PRDM11: variants seen among roughly 807,000 people sequenced by gnomAD.
The protein encoded by PRDM11 is PR domain-containing protein 11.
In PRDM11, 20 loss-of-function variants were observed where a neutral mutation model predicts 97.8. The observed-to-expected ratio is 0.20, with a 90% CI of 0.14 to 0.30. The LOEUF is 0.30. Ranked by LOEUF, PRDM11 falls within the 10% of genes least tolerant of loss-of-function variation. The pLI, the probability that PRDM11 is intolerant of heterozygous loss-of-function variation, is 1.00. For synonymous variants in PRDM11, 599 were observed against 637.7 expected (o/e 0.94, Z 0.91); for missense variants, 1,139 against 1,555.2 (o/e 0.73, Z 4.50).
chr11:45,160,078 T>C (rs971163485), intron 1 of PRDM11, among the ~76,000 whole-genome samples: 4 of 152,244 alleles, frequency 2.6e-5, no homozygotes, highest in Non-Finnish European at 4.4e-5. Flanking sequence ...ATAGCAACTC[T>C]TGATGCGAGT....
At position 45,181,723 on chromosome 11, in the gene PRDM11, A is replaced by G. The variant is rs758589124; in HGVS notation, c.-6-38A>G. 1.9e-6 allele frequency: 3 copies of G among 1,567,538 alleles called. No homozygotes were observed. The South Asian group carries it at 3.4e-5, about 18-fold the overall frequency. On this transcript the variant is annotated intron_variant, in intron 1 of 7. Coordinates refer to ENST00000683152, the MANE Select transcript of PRDM11 (RefSeq NM_001384648.1). Reference sequence around the variant, plus strand: ...TCACTCCTCTTCCCCTGTTTCTTTGATCCTCTTCCTGTGCTGGTCCCACCT... The same window carrying G: ...TCACTCCTCTTCCCCTGTTTCTTTGGTCCTCTTCCTGTGCTGGTCCCACCT...
At chr11:45,113,496 T>C (rs1300813845) in intron 1 of PRDM11, among the ~76,000 whole-genome samples, 1 of 152,158 alleles carries the variant, frequency 6.6e-6, no homozygotes, top group African/African-American at 2.4e-5. Context: ...ATGATTATGG[T>C]ATTTTGATGG....
intron 1 of PRDM11, among the ~76,000 whole-genome samples, chr11:45,126,437 G>T (rs1430500366): frequency 1.3e-5 from 2 of 151,982 alleles, no homozygotes; most frequent in East Asian, 3.9e-4. Context: ...AGCCTTGATG[G>T]TCTTTACAAT....
intron 4 of PRDM11, among the ~76,000 whole-genome samples, chr11:45,190,373 C>T (rs896223979): frequency 3.9e-5 from 6 of 152,014 alleles, no homozygotes; most frequent in African/African-American, 1.4e-4. Flanking sequence ...GTCGCAAACT[C>T]CTGAGCTCAG....
chr11:45,107,844 T>TG (rs1483174415), intron 1 of PRDM11, among the ~76,000 whole-genome samples: 1 of 151,676 alleles, frequency 6.6e-6, no homozygotes, highest in Non-Finnish European at 1.5e-5. Flanking sequence ...TTTTTTTTTT[T>TG]TGTGAGACAG....
Position 45,182,249 on chromosome 11 carries a change from T to C in PRDM11, c.123T>C (p.Ser41=). The C allele has an allele frequency of 6.2e-7, 1 of 1,613,742 alleles. No individual in the cohort carries two copies. The highest frequency in any genetic ancestry group is 2.2e-5 in the East Asian group (1 of 44,878). Residue 41 remains serine, a synonymous_variant, in exon 3 of 8, where the codon TCT becomes TCC. Transcript: ENST00000683152. ...LRDQEYGQPC[S]RRPDSSAMEV... ...TGCGGGCCTCTGCCCTGGCCAGCTC[T>C]AGGAGACCGGACTCCTCGGCCATGG... is the stretch of plus-strand genomic sequence containing the variant.
At chr11:45,212,648 G>A (rs1205626883) in intron 5 of PRDM11, 2 of 456,038 alleles carry the variant, frequency 4.4e-6, no homozygotes. Context: ...CTCGCCCCAG[G>A]CCCAGGCTGC....
upstream of PRDM11, chr11:45,095,712 C>T (rs147753949): frequency 1.7e-3 from 1,116 of 675,406 alleles, 9 homozygotes; most frequent in African/African-American, 0.018. Flanking sequence ...TCTTTTTAAC[C>T]CTTCTGCTTT....
intron 1 of PRDM11, among the ~76,000 whole-genome samples, chr11:45,108,943 T>A (rs1852116705): frequency 1.3e-5 from 2 of 152,386 alleles, no homozygotes; most frequent in East Asian, 1.9e-4. Context: ...TGCTCCATAA[T>A]GTTTCCATTT....
At chr11:45,155,034 G>T (rs1851757622) in intron 1 of PRDM11, among the ~76,000 whole-genome samples, 1 of 152,216 alleles carries the variant, frequency 6.6e-6, no homozygotes, top group African/African-American at 2.4e-5. Context: ...AGAAAGGGGG[G>T]TAGTGGCCGG....
chr11:45,158,197 C>T (rs1281122064), intron 1 of PRDM11, among the ~76,000 whole-genome samples: 1 of 152,240 alleles, frequency 6.6e-6, no homozygotes. Context: ...CCTAGAGTAA[C>T]TGACCTGCCC....
At chr11:45,182,564 G>A (rs1189940093) in intron 3 of PRDM11, among the ~76,000 whole-genome samples, 2 of 152,212 alleles carry the variant, frequency 1.3e-5, no homozygotes, top group Non-Finnish European at 2.9e-5. Flanking sequence ...TGAGGGTTAA[G>A]TATCCCACGC....
chr11:45,216,095 G>A (rs1311190350), intron 5 of PRDM11: 1 of 152,664 alleles, frequency 6.6e-6, no homozygotes, highest in Non-Finnish European at 1.5e-5. Flanking sequence ...CAGCTGGGAG[G>A]TTGGAATAAA....
intron 1 of PRDM11, among the ~76,000 whole-genome samples, chr11:45,157,777 T>C (rs1386926501): frequency 6.6e-6 from 1 of 152,222 alleles, no homozygotes; most frequent in African/African-American, 2.4e-5. Flanking sequence ...CAGAACTCTC[T>C]TGTCCACACT....
At chr11:45,148,827 G>A (rs1197449136) in intron 1 of PRDM11, among the ~76,000 whole-genome samples, 1 of 152,172 alleles carries the variant, frequency 6.6e-6, no homozygotes, top group Non-Finnish European at 1.5e-5. Context: ...CACTGGGGTA[G>A]GAGTCGGGAG....
At chr11:45,185,827 CAT>C (rs1412860410) in intron 4 of PRDM11, among the ~76,000 whole-genome samples, 2 of 152,002 alleles carry the variant, frequency 1.3e-5, no homozygotes, top group African/African-American at 4.8e-5. Flanking sequence ...ATTTTTTGCA[CAT>C]GTGATTAAGT....
At chr11:45,157,948 TG>T (rs1851841026) in intron 1 of PRDM11, among the ~76,000 whole-genome samples, 1 of 152,184 alleles carries the variant, frequency 6.6e-6, no homozygotes, top group Non-Finnish European at 1.5e-5. Context: ...CCTGGGTACC[TG>T]GTCTCTGATG....
intron 1 of PRDM11, among the ~76,000 whole-genome samples, chr11:45,176,799 C>A (rs1045259102): frequency 6.6e-6 from 1 of 152,182 alleles, no homozygotes; most frequent in African/African-American, 2.4e-5. Context: ...TTCAATAACT[C>A]CCTATAATAA....
Position 45,228,256 on chromosome 11 carries a change from T to A in PRDM11, c.*97T>A. On this transcript the variant is annotated 3_prime_UTR_variant, in exon 8 of 8. Transcript: ENST00000683152. ...TATATAAATATATATTATATTATAT[T>A]ATATTATATTATATATATATATATA... is the stretch of plus-strand genomic sequence containing the variant. 7 of 295,342 alleles carry A rather than the reference T, an allele frequency of 2.4e-5. No homozygotes were observed. The highest frequency in any genetic ancestry group is 9.6e-5 in the East Asian group (1 of 10,424). 18.3% of individuals were successfully genotyped at this position (295,342 alleles called of 1,614,324 possible). A position where few individuals can be genotyped will look rare whatever the true frequency, so the allele number is the denominator to read the frequency against.
Sources: gnomAD v4.1 joint callset for allele counts (sites outside exome capture counted in the v4.1 genomes callset) on GRCh38, gnomAD v4.1.1 for gene constraint, MANE v1.5 for transcripts, NCBI Gene and HGNC (gene_info 2026-07-23, HGNC 2026-07-21) for gene names.